Variants in PCDHGA7 observed in about 807,000 individuals in gnomAD.
PCDHGA7 encodes protocadherin gamma subfamily A, 7.
Under a neutral mutation model 58.3 loss-of-function variants are expected in PCDHGA7, and 44 were observed. That is an observed-to-expected ratio of 0.75 (90% CI 0.59 to 0.97). The LOEUF is 0.97. Ranked by LOEUF, PCDHGA7 falls within the 50% of genes least tolerant of loss-of-function variation. The pLI, the probability that PCDHGA7 is intolerant of heterozygous loss-of-function variation, is 0.00. For synonymous variants in PCDHGA7, 516 were observed against 504.2 expected (o/e 1.02, Z -0.31); for missense variants, 1,266 against 1,188.7 (o/e 1.06, Z -0.96).
rs143779180 is a variant in PCDHGA7, at chr5:141,485,438, C to T, written c.2425-9369C>T. Reference sequence around the variant, plus strand: ...CAGCGGAGCCCTGCTCATCAAGAACCCAATCGACCGAGAGGCACTGTGTGG... The same window carrying T: ...CAGCGGAGCCCTGCTCATCAAGAACTCAATCGACCGAGAGGCACTGTGTGG... On this transcript the variant is annotated intron_variant, in intron 1 of 3. Transcript: ENST00000518325. This position sits in a 1 kb window ranked among gnomAD's most constrained non-coding sequence, Gnocchi z 5.7. 2.9e-5 allele frequency: 47 copies of T among 1,614,052 alleles called. No individual in the cohort carries two copies. The highest frequency in any genetic ancestry group is 4.0e-5 in the African/African-American group (3 of 74,924).
At chr5:141,399,937 G>C in intron 1 of PCDHGA7, 1 of 1,612,360 alleles carries the variant, frequency 6.2e-7, no homozygotes, top group African/African-American at 1.3e-5. Flanking sequence ...GTCCTACCAC[G>C]TGCTGCAGGC....
chr5:141,484,375 G>C (rs188702244), intron 1 of PCDHGA7, among the ~76,000 whole-genome samples: 2 of 152,258 alleles, frequency 1.3e-5, no homozygotes, highest in African/African-American at 4.8e-5. Flanking sequence ...ACTAGCAAAT[G>C]TCTGAATAAG....
Position 141,476,854 on chromosome 5 carries a change from G to A in PCDHGA7, c.2425-17953G>A. The A allele has an allele frequency of 6.2e-7, 1 of 1,613,860 alleles. No individual in the cohort carries two copies. The highest frequency in any genetic ancestry group is 1.1e-5 in the South Asian group (1 of 91,088). ...ATGACAATGCGCCTGTCTTCAACCA[G>A]TCCTTGTACCGGGCGCGCGTCCTGG... On this transcript the variant is annotated intron_variant, in intron 1 of 3. Transcript: ENST00000518325. This position sits in a 1 kb window ranked among gnomAD's most constrained non-coding sequence, Gnocchi z 7.6.
At chr5:141,508,896 C>A (rs1171693212) in intron 3 of PCDHGA7, among the ~76,000 whole-genome samples, 1 of 151,862 alleles carries the variant, frequency 6.6e-6, no homozygotes, top group Non-Finnish European at 1.5e-5. Context: ...GGGGAGGGGG[C>A]GGGGCGGTGG....
intron 1 of PCDHGA7, chr5:141,421,678 G>C (rs903229017): frequency 3.7e-6 from 6 of 1,613,776 alleles, no homozygotes; most frequent in Non-Finnish European, 5.1e-6. Context: ...AATTCCTGGG[G>C]CGCGATTTGC....
chr5:141,414,348 G>A (rs1390188717), intron 1 of PCDHGA7: 1 of 1,613,818 alleles, frequency 6.2e-7, no homozygotes, highest in South Asian at 1.1e-5. Flanking sequence ...GTTCCATTTT[G>A]GCGTATCTAC....
intron 1 of PCDHGA7, chr5:141,468,346 AAAAG>A (rs2099164910): frequency 6.8e-6 from 1 of 147,210 alleles, no homozygotes; most frequent in South Asian, 2.2e-4. Flanking sequence ...AAAAAAAAAA[AAAAG>A]AAAGAAAAAA....
At chr5:141,400,161 T>A (rs1271912348) in intron 1 of PCDHGA7, 1 of 1,614,084 alleles carries the variant, frequency 6.2e-7, no homozygotes, top group South Asian at 1.1e-5. Flanking sequence ...CTGTACCCTC[T>A]GACCCCCAGG....
At position 141,487,444 on chromosome 5, in the gene PCDHGA7, T is replaced by G; in HGVS notation, c.2425-7363T>G. 1 of 1,614,194 alleles carries G rather than the reference T, an allele frequency of 6.2e-7. No individual in the cohort carries two copies. The highest frequency in any genetic ancestry group is 8.5e-7 in the Non-Finnish European group (1 of 1,180,040). ...TCCTCCGAATCCAGCTAGGGTCAGA[T>G]GACCCTATCAAGTTTGTTGATGTGG... On this transcript the variant is annotated intron_variant, in intron 1 of 3. Transcript: ENST00000518325. This position sits in a 1 kb window ranked among gnomAD's most constrained non-coding sequence, Gnocchi z 5.0.
chr5:141,487,041 G>C lies in PCDHGA7; in HGVS notation c.2425-7766G>C, dbSNP rs149314216. On this transcript the variant is annotated intron_variant, in intron 1 of 3. Coordinates refer to ENST00000518325, the MANE Select transcript of PCDHGA7 (RefSeq NM_018920.4). The surrounding 1 kb of genome is among the most constrained non-coding windows in gnomAD (Gnocchi z 5.0). ...GATCCCAGCCTGTTTGCAGTCTCTC[G>C]ATATGCTGGGGAGGTGCGGACGGCT... 2.5e-6 allele frequency: 4 copies of C among 1,614,018 alleles called. No homozygotes were observed. Among genetic ancestry groups the C allele is most frequent in the South Asian group, 2.2e-5 (2 of 91,084 alleles).
chr5:141,404,658 C>T, intron 1 of PCDHGA7: 2 of 1,614,198 alleles, frequency 1.2e-6, no homozygotes, highest in Non-Finnish European at 1.7e-6. Context: ...GCCCTCCCCA[C>T]TGATGGTTCT....
In PCDHGA7 at chr5:141,455,477, C is replaced by T. The variant is rs557286491; in HGVS notation, c.2425-39330C>T. On this transcript the variant is annotated intron_variant, in intron 1 of 3. Coordinates refer to ENST00000518325, the MANE Select transcript of PCDHGA7 (RefSeq NM_018920.4). ...TACCAGCCAGGTATATATGCAGAGG[C>T]TGGTGGAGGTGATGTCTGATTTGCA... Among the ~76,000 whole-genome samples the T allele has an allele frequency of 1.2e-4, 18 of 152,252 alleles. No homozygotes were observed. The South Asian group carries it at 3.7e-3, about 32-fold the overall frequency.
At chr5:141,427,059 G>C (rs751016646) in intron 1 of PCDHGA7, 1 of 457,744 alleles carries the variant, frequency 2.2e-6, no homozygotes, top group South Asian at 1.5e-5. Context: ...AGGCACCTCT[G>C]TACTAAAGGT....
At chr5:141,449,658 C>T (rs1413506303) in intron 1 of PCDHGA7, among the ~76,000 whole-genome samples, 5 of 149,582 alleles carry the variant, frequency 3.3e-5, no homozygotes, top group Admixed American at 3.3e-4. Flanking sequence ...TTTACATACA[C>T]ACCCAAGTGT....
chr5:141,431,867 A>C lies in PCDHGA7; in HGVS notation c.2424+46544A>C. On this transcript the variant is annotated intron_variant, in intron 1 of 3. Transcript: ENST00000518325. The surrounding 1 kb of genome is among the most constrained non-coding windows in gnomAD (Gnocchi z 4.8). ...CAGAGGGACATTAATTGCCCTTTTA[A>C]ATGTAAATGACCAAGATTCTGAGGA... 6.2e-7 allele frequency: 1 copy of C among 1,614,226 alleles called. No individual in the cohort carries two copies. Among genetic ancestry groups the C allele is most frequent in the Non-Finnish European group, 8.5e-7 (1 of 1,180,024 alleles).
intron 1 of PCDHGA7, chr5:141,423,748 T>TG: frequency 7.2e-6 from 2 of 278,014 alleles, no homozygotes; most frequent in Admixed American, 4.2e-4. Flanking sequence ...ATGAAAACTG[T>TG]TTGGGGGGGG....
intron 1 of PCDHGA7, chr5:141,400,256 G>A (rs756430299): frequency 9.9e-6 from 16 of 1,613,986 alleles, no homozygotes; most frequent in Admixed American, 1.7e-5. Context: ...GTTGCCTTGC[G>A]CCTGCGACGC....
chr5:141,400,499 G>A (rs1258690272), intron 1 of PCDHGA7: 8 of 1,613,910 alleles, frequency 5.0e-6, no homozygotes, highest in Non-Finnish European at 6.8e-6. Context: ...TGTAATTCCA[G>A]CGAGTCGACT....
chr5:141,456,824 G>A (rs2098890304), intron 1 of PCDHGA7, among the ~76,000 whole-genome samples: 2 of 152,170 alleles, frequency 1.3e-5, no homozygotes, highest in South Asian at 2.1e-4. Context: ...ATTAGCCATC[G>A]TGGTAGTGGG....
Sources: gnomAD v4.1 joint callset for allele counts (sites outside exome capture counted in the v4.1 genomes callset) on GRCh38, gnomAD v4.1.1 for gene constraint, Gnocchi (gnomAD v3.1) non-coding constraint, MANE v1.5 for transcripts, NCBI Gene and HGNC (gene_info 2026-07-23, HGNC 2026-07-21) for gene names.